Variants in MAP3K15 observed in about 807,000 individuals in gnomAD.
MAP3K15 encodes the protein mitogen-activated protein kinase kinase kinase 15, also known as MAPK/ERK kinase kinase 15.
In MAP3K15, 124 loss-of-function variants were observed where a neutral mutation model predicts 99.5. The ratio of observed to expected loss-of-function variants is 1.25; its 90% CI spans 1.08 to 1.45. The LOEUF (loss-of-function observed/expected upper bound fraction) is 1.45. MAP3K15 is among the 40% of genes most tolerant of loss of function. MAP3K15 has a pLI of 0.00. For synonymous variants in MAP3K15, 494 were observed against 439.6 expected (o/e 1.12, Z -1.55); for missense variants, 1,242 against 1,079.7 (o/e 1.15, Z -2.11).
At chrX:19,506,488 G>A (rs964462530) in intron 1 of MAP3K15, among the ~76,000 whole-genome samples, 7 of 111,969 alleles carry the variant, frequency 6.3e-5, no homozygotes, top group Non-Finnish European at 9.4e-5. Context: ...ACCAAATAAC[G>A]AATCTGGAGA....
At chrX:19,398,427 C>G in intron 14 of MAP3K15, 68 bp from the exon 15 acceptor site, 1 of 1,111,011 alleles carries the variant, frequency 9.0e-7, no homozygotes, top group Non-Finnish European at 1.2e-6. Context: ...CTAAGGCCCC[C>G]AGAGTTGTCT....
chrX:19,472,179 G>A lies in MAP3K15; in HGVS notation c.526-7773C>T, dbSNP rs778994722. ...GTGGAGCTTGCAGTGAGCTGAGATC[G>A]CGCCACAGCACTCCAGCCTGGGCCA... On this transcript the variant is annotated intron_variant, in intron 3 of 28. Transcript: ENST00000338883. 3.8e-3 allele frequency among the ~76,000 whole-genome samples: 412 copies of A among 109,305 alleles called. 3 individuals carry two copies. The highest frequency in any genetic ancestry group is 0.013 in the African/African-American group (396 of 29,962). The allele number at this position is 109,305 out of a possible 115,157, so 94.9% of individuals were successfully genotyped here.
chrX:19,468,583 T>G (rs1237266242), intron 3 of MAP3K15, among the ~76,000 whole-genome samples: 2 of 112,031 alleles, frequency 1.8e-5, no homozygotes, highest in East Asian at 5.6e-4. Context: ...ACTGTGCGCA[T>G]GCCCAAGAGT....
chrX:19,464,138 G>A, intron 4 of MAP3K15, 75 bp downstream of exon 4: 4 of 894,535 alleles, frequency 4.5e-6, no homozygotes, highest in Non-Finnish European at 6.3e-6. Context: ...TCATTTGAAG[G>A]TGTACCGCTT....
At chrX:19,383,443 C>T (rs2063473612) in intron 18 of MAP3K15, among the ~76,000 whole-genome samples, 1 of 112,176 alleles carries the variant, frequency 8.9e-6, no homozygotes, top group African/African-American at 3.2e-5. Flanking sequence ...AACTGTCCAT[C>T]CTGGTACAAT....
chrX:19,417,203 C>G (rs1048639853), intron 9 of MAP3K15, among the ~76,000 whole-genome samples: 1 of 112,271 alleles, frequency 8.9e-6, no homozygotes, highest in Non-Finnish European at 1.9e-5. Context: ...GGGTGCAGGA[C>G]AGGGGGTGCA....
rs202068828 is a variant in MAP3K15 at position 19,472,226 on chromosome X, A to AAAT, written c.526-7823_526-7821dup. The stretch of plus-strand genomic sequence containing the variant: ...GCCATAGAGCGAGACTCTGTCTCAA[A>AAAT]AATAATAATAATAATAATAATAATA... On this transcript the variant is annotated intron_variant, in intron 3 of 28. Transcript: ENST00000338883. 6.9e-3 allele frequency among the ~76,000 whole-genome samples: 676 copies of AAAT among 97,433 alleles called. 4 individuals carry two copies. The highest frequency in any genetic ancestry group is 0.035 in the Middle Eastern group (7 of 198). 84.6% of individuals were successfully genotyped at this position (97,433 alleles called of 115,157 possible).
At position 19,371,008 on chromosome X, in the gene MAP3K15, G is replaced by A; in HGVS notation, c.3351C>T (p.Asp1117=). 3.4e-6 allele frequency: 4 copies of A among 1,168,533 alleles called. No individual in the cohort carries two copies. The highest frequency in any genetic ancestry group is 4.5e-6 in the Non-Finnish European group (4 of 881,297). The stretch of plus-strand genomic sequence containing the variant: ...CCTGCACCGCTCGGCGGATGATGTT[G>A]TCCATCGCGAACATCCAGTGGGGCC... The part of the protein sequence containing the change: ...LIRPHWMFAM[D]NIIRRAVQAA... The change falls in exon 24 of 29, where the codon GAC becomes GAT. Residue 1117 remains aspartate (D), a synonymous_variant. Transcript: ENST00000338883.
At chrX:19,370,832 T>C (rs2063369255) in intron 24 of MAP3K15, 127 bp downstream of exon 24, 2 of 541,522 alleles carry the variant, frequency 3.7e-6, no homozygotes, top group Admixed American at 3.2e-5. Context: ...TATGACAACA[T>C]GCATTTAATT....
intron 6 of MAP3K15, among the ~76,000 whole-genome samples, chrX:19,445,803 C>T (rs935497957): frequency 9.3e-6 from 1 of 107,866 alleles, no homozygotes; most frequent in African/African-American, 3.4e-5. Context: ...AAAAATTAGC[C>T]AGGCGTGGTG....
rs2063403964 is a variant in MAP3K15, at chrX:19,374,561, C to T, written c.2689G>A (p.Ala897Thr). ...TCTCTCAGTAGCTCAGCAGTGGTGG[C>T]ACGTTTGTGGGGGTCAGGCTCGAAA... Reference protein sequence around the residue: ...SCFEPDPHKRATTAELLREGF... With the variant: ...SCFEPDPHKRTTTAELLREGF... The change falls in exon 20 of 29, where the codon GCC becomes ACC. Residue 897 changes from alanine to threonine, a missense_variant. Ala to Thr is a moderately conservative substitution (Grantham distance 58). Transcript: ENST00000338883. 27 of 1,211,564 alleles carry T rather than the reference C, an allele frequency of 2.2e-5. No individual in the cohort carries two copies. The highest frequency in any genetic ancestry group is 3.0e-5 in the Non-Finnish European group (27 of 895,344).
At chrX:19,463,898 C>T (rs752501228) in intron 4 of MAP3K15, among the ~76,000 whole-genome samples, 7 of 107,202 alleles carry the variant, frequency 6.5e-5, no homozygotes, top group East Asian at 2.9e-4. Flanking sequence ...TGAAAGAGAT[C>T]GTTAAAAAAA....
In MAP3K15 at chrX:19,400,575, C is replaced by A. The variant is rs374760669; in HGVS notation, c.1932+1G>T. ...CATATTCTAGATCGTCCATGACTCA[C>A]CTCCAAGGTGTCTCCATCGGTCTCT... On this transcript the variant is annotated splice_donor_variant, in intron 14 of 28. Transcript: ENST00000338883. LOFTEE classifies it high-confidence loss of function. 6 of 1,188,042 alleles carry A rather than the reference C, an allele frequency of 5.1e-6. No homozygotes were observed. Among genetic ancestry groups the A allele is most frequent in the Non-Finnish European group, 5.7e-6 (5 of 875,492 alleles).
At chrX:19,408,466 A>G in intron 12 of MAP3K15, 1 of 139,582 alleles carries the variant, frequency 7.2e-6, no homozygotes, top group South Asian at 1.4e-4. Context: ...CAGCCTGACC[A>G]ACATGGCAAA....
chrX:19,403,814 T>C (rs1214807264), intron 13 of MAP3K15, among the ~76,000 whole-genome samples: 1 of 110,923 alleles, frequency 9.0e-6, no homozygotes, highest in Non-Finnish European at 1.9e-5. Context: ...TGAGACACAA[T>C]GAATTAAGAC....
rs1364609977 is a variant in MAP3K15 at position 19,370,357 on chromosome X, T to C, written c.3400+602A>G. 6.3e-5 allele frequency among the ~76,000 whole-genome samples: 7 copies of C among 111,611 alleles called. No individual in the cohort carries two copies. The Admixed American group carries it at 6.6e-4, about 11-fold the overall frequency. ...CCAGAGGACTGGAGGATCCTTCCCCTCTGGCCCCATGCTCCCTTTTAATTT... is the reference window on the plus strand; with the variant it reads ...CCAGAGGACTGGAGGATCCTTCCCCCCTGGCCCCATGCTCCCTTTTAATTT... On this transcript the variant is annotated intron_variant, in intron 24 of 28. Coordinates refer to ENST00000338883, the MANE Select transcript of MAP3K15 (RefSeq NM_001001671.4).
At chrX:19,490,682 G>A (rs966186671) in intron 1 of MAP3K15, among the ~76,000 whole-genome samples, 11 of 109,095 alleles carry the variant, frequency 1.0e-4, no homozygotes, top group African/African-American at 3.3e-4. Context: ...CTGGGAGGTC[G>A]AGGTTGCAGT....
intron 18 of MAP3K15, among the ~76,000 whole-genome samples, chrX:19,384,267 T>C (rs1471409237): frequency 1.8e-5 from 2 of 110,807 alleles, no homozygotes; most frequent in Admixed American, 9.6e-5. Context: ...TCTCACTTAT[T>C]TGTGAGAGCT....
chrX:19,423,127 G>A (rs2063800214), intron 9 of MAP3K15, among the ~76,000 whole-genome samples: 1 of 110,163 alleles, frequency 9.1e-6, no homozygotes, highest in African/African-American at 3.3e-5. Context: ...GTATAGATAT[G>A]TAAGTAACCT....
Sources: allele counts gnomAD v4.1 joint callset (sites outside exome capture counted in the v4.1 genomes callset), GRCh38; gene constraint gnomAD v4.1.1; transcripts MANE v1.5; gene names NCBI Gene and HGNC (gene_info 2026-07-23, HGNC 2026-07-21).